DCLK1: variants seen among roughly 807,000 people sequenced by gnomAD.
The protein encoded by DCLK1 is serine/threonine-protein kinase DCLK1.
A neutral mutation model predicts 86.2 loss-of-function variants in DCLK1; 16 were observed. The observed-to-expected ratio is 0.19, with a 90% confidence interval of 0.13 to 0.28. The LOEUF is 0.28. Ranked by LOEUF, DCLK1 falls within the 10% of genes least tolerant of loss-of-function variation. The pLI, the probability that DCLK1 is intolerant of heterozygous loss-of-function variation, is 1.00. For missense variants in DCLK1, 590 were observed against 940.2 expected, an observed-to-expected ratio of 0.63 and a Z score of 4.87; for synonymous variants, 369 against 370.5, an observed-to-expected ratio of 1.00 and a Z score of 0.05.
chr13:35,886,246 C>G (rs894222953), intron 4 of DCLK1, among the ~76,000 whole-genome samples: 1 of 151,976 alleles, frequency 6.6e-6, no homozygotes, highest in Admixed American at 6.6e-5. Flanking sequence ...CTCCTGACCT[C>G]GTGATCTGCC....
At chr13:35,813,178 C>G (rs1236678246) in intron 11 of DCLK1, among the ~76,000 whole-genome samples, 1 of 152,124 alleles carries the variant, frequency 6.6e-6, no homozygotes, top group Non-Finnish European at 1.5e-5. Flanking sequence ...TAACAATAAC[C>G]TTTCTAAAAT....
intron 3 of DCLK1, among the ~76,000 whole-genome samples, chr13:36,081,794 G>A (rs980215986): frequency 1.3e-5 from 2 of 152,166 alleles, no homozygotes; most frequent in African/African-American, 4.8e-5. Flanking sequence ...TAGAAAAATT[G>A]TGGAGATAAA....
intron 6 of DCLK1, among the ~76,000 whole-genome samples, chr13:35,841,719 A>G (rs1317622798): frequency 6.6e-6 from 1 of 152,230 alleles, no homozygotes; most frequent in African/African-American, 2.4e-5. Flanking sequence ...TTCTCTGAAA[A>G]TGGAAAGCTT....
chr13:36,083,933 CTTTGCTGTTGCTATTTTTATAACA>C (rs1434784051), intron 3 of DCLK1, among the ~76,000 whole-genome samples: 1 of 152,138 alleles, frequency 6.6e-6, no homozygotes, highest in African/African-American at 2.4e-5. Context: ...CTCTAAGTTA[CTTTGCTGTTGCTATTTTTATAACA>C]TAATTAGAAT....
intron 3 of DCLK1, among the ~76,000 whole-genome samples, chr13:36,049,620 T>G (rs914439598): frequency 2.0e-5 from 3 of 152,198 alleles, no homozygotes; most frequent in Non-Finnish European, 2.9e-5. Flanking sequence ...CCCTTTTATA[T>G]GATCTTTTGT....
At chr13:35,950,369 C>T (rs1305162417) in intron 3 of DCLK1, among the ~76,000 whole-genome samples, 2 of 152,132 alleles carry the variant, frequency 1.3e-5, no homozygotes, top group Admixed American at 1.3e-4. Context: ...GATTTATAAC[C>T]CTCTTCTTTA....
At chr13:36,062,410 C>T (rs904564566) in intron 3 of DCLK1, among the ~76,000 whole-genome samples, 1 of 152,074 alleles carries the variant, frequency 6.6e-6, no homozygotes, top group African/African-American at 2.4e-5. Context: ...TGTTGAGAAC[C>T]TAAGGTTCAC....
At chr13:35,846,740 T>C (rs1294072281) in intron 6 of DCLK1, 1 of 985,216 alleles carries the variant, frequency 1.0e-6, no homozygotes, top group Non-Finnish European at 1.2e-6. Flanking sequence ...CAAATAGAGA[T>C]GCTAGCAAGG....
At chr13:36,046,392 A>G (rs575267996) in intron 3 of DCLK1, among the ~76,000 whole-genome samples, 64 of 152,330 alleles carry the variant, frequency 4.2e-4, no homozygotes, top group African/African-American at 1.5e-3. Flanking sequence ...TTAACAGACA[A>G]TGTCACATAT....
At chr13:35,962,605 G>A (rs1188723782) in intron 3 of DCLK1, among the ~76,000 whole-genome samples, 1 of 152,146 alleles carries the variant, frequency 6.6e-6, no homozygotes, top group Non-Finnish European at 1.5e-5. Flanking sequence ...ATTAATACAG[G>A]TGTGGTTTTT....
intron 3 of DCLK1, among the ~76,000 whole-genome samples, chr13:35,992,038 TTTGG>T (rs1335730020): frequency 1.3e-5 from 2 of 152,186 alleles, no homozygotes; most frequent in Non-Finnish European, 2.9e-5. Context: ...CTCAGTAGAT[TTTGG>T]TTTAATTGCC....
Position 35,980,318 on chromosome 13 carries a change from A to G in DCLK1, c.724-32861T>C, listed in dbSNP as rs532652057. Among the ~76,000 whole-genome samples, 9 of 152,102 alleles carry G rather than the reference A, an allele frequency of 5.9e-5. No individual in the cohort carries two copies. In the South Asian group the frequency reaches 1.9e-3, roughly 32 times the overall value. ...AAAAATACAGAAATTAGCCAGGTGC[A>G]GTAGTACGCACCTGTGGTCCCAGCC... On this transcript the variant is annotated intron_variant, in intron 3 of 16. Coordinates refer to ENST00000360631, the MANE Select transcript of DCLK1 (RefSeq NM_001330071.2).
intron 2 of DCLK1, 101 bp downstream of exon 2, chr13:36,125,661 T>A: frequency 6.8e-7 from 1 of 1,480,756 alleles, no homozygotes; most frequent in Non-Finnish European, 9.0e-7. Context: ...GCCATAAGGC[T>A]GAATGTCAAC....
At chr13:35,960,456 A>T (rs1403023900) in intron 3 of DCLK1, among the ~76,000 whole-genome samples, 1 of 152,148 alleles carries the variant, frequency 6.6e-6, no homozygotes, top group East Asian at 1.9e-4. Flanking sequence ...AAAGGATAAA[A>T]ATCAGATTAT....
intron 2 of DCLK1, among the ~76,000 whole-genome samples, chr13:36,123,934 A>C (rs1886077046): frequency 6.6e-6 from 1 of 152,038 alleles, no homozygotes; most frequent in Non-Finnish European, 1.5e-5. Flanking sequence ...CACCTCCCAG[A>C]CCCTCTCCTT....
intron 2 of DCLK1, among the ~76,000 whole-genome samples, chr13:36,120,767 ATGAAAATTATG>A (rs1354818479): frequency 1.0e-5 from 1 of 95,646 alleles, no homozygotes; most frequent in Non-Finnish European, 2.0e-5. Flanking sequence ...ACATGAAAAG[ATGAAAATTATG>A]TGAAAATTAT....
At chr13:35,893,440 C>A (rs9574809) in intron 4 of DCLK1, among the ~76,000 whole-genome samples, 9,308 of 152,258 alleles carry the variant, frequency 0.061, 326 homozygotes, top group South Asian at 0.13. Flanking sequence ...TGAGCACTTC[C>A]TGTGTGCCAG....
chr13:35,931,405 T>C (rs1011560646), intron 4 of DCLK1, among the ~76,000 whole-genome samples: 4 of 152,174 alleles, frequency 2.6e-5, no homozygotes, highest in African/African-American at 9.7e-5. Flanking sequence ...GAAGCTGGCT[T>C]GACATCACGT....
rs548623569 is a variant in DCLK1 at position 36,055,159 on chromosome 13, C to T, written c.723+56710G>A. ...TGGATGGCCAGAAGAACAGCCGTTC[C>T]CAGAAACCAGGGCTCAAGGATGAGG... On this transcript the variant is annotated intron_variant, in intron 3 of 16. Coordinates refer to ENST00000360631, the MANE Select transcript of DCLK1 (RefSeq NM_001330071.2). 1.0e-3 allele frequency among the ~76,000 whole-genome samples: 159 copies of T among 152,136 alleles called. 2 individuals carry two copies. In the South Asian group the frequency reaches 0.017, roughly 16 times the overall value.
Sources: gnomAD v4.1 joint callset for allele counts (sites outside exome capture counted in the v4.1 genomes callset) on GRCh38, gnomAD v4.1.1 for gene constraint, MANE v1.5 for transcripts, NCBI Gene and HGNC (gene_info 2026-07-23, HGNC 2026-07-21) for gene names.